Variants in GADL1 observed in about 807,000 individuals in gnomAD.
GADL1 encodes GAD like acidic amino acid decarboxylase 1.
Under a neutral mutation model 69.5 loss-of-function variants are expected in GADL1, and 71 were observed. The observed-to-expected ratio is 1.02, with a 90% CI of 0.84 to 1.25. The LOEUF is 1.25. GADL1 is among the 50% of genes most tolerant of loss of function. The pLI is 0.00. For missense variants in GADL1, 737 were observed against 631.8 expected, an observed-to-expected ratio of 1.17 and a Z score of -1.79; for synonymous variants, 254 against 214.4, an observed-to-expected ratio of 1.18 and a Z score of -1.62.
chr3:30,854,918 T>C, intron 3 of GADL1, 129 bp from the exon 4 acceptor site: 1 of 575,664 alleles, frequency 1.7e-6, no homozygotes, highest in Non-Finnish European at 3.0e-6. Context: ...TATAACGTAA[T>C]TCCATTTATA....
chr3:30,729,744 A>G (rs1280699030), intron 14 of GADL1, among the ~76,000 whole-genome samples: 1 of 152,260 alleles, frequency 6.6e-6, no homozygotes, highest in Non-Finnish European at 1.5e-5. Flanking sequence ...ACTTAACCAC[A>G]GAGCCTTCTC....
At chr3:30,812,228 C>T (rs773521191) in intron 11 of GADL1, among the ~76,000 whole-genome samples, 2 of 152,222 alleles carry the variant, frequency 1.3e-5, no homozygotes, top group East Asian at 3.8e-4. Flanking sequence ...AAGCTCCAAA[C>T]TATAAAACCT....
intron 12 of GADL1, chr3:30,800,267 C>G (rs1408022394): frequency 2.0e-5 from 3 of 153,338 alleles, no homozygotes; most frequent in African/African-American, 7.2e-5. Flanking sequence ...GCACTTCTTG[C>G]ATGGCAGCAG....
At chr3:30,763,845 C>A (rs1029658184) in intron 14 of GADL1, among the ~76,000 whole-genome samples, 4 of 151,724 alleles carry the variant, frequency 2.6e-5, no homozygotes, top group African/African-American at 9.7e-5. Context: ...CCAGAAAATT[C>A]TAAATGTGAA....
chr3:30,836,857 G>A (rs971597734), intron 9 of GADL1, among the ~76,000 whole-genome samples: 1 of 152,018 alleles, frequency 6.6e-6, no homozygotes, highest in Non-Finnish European at 1.5e-5. Flanking sequence ...CATAACAATT[G>A]CCCTCATGAA....
chr3:30,832,173 C>T (rs899880941), intron 11 of GADL1, among the ~76,000 whole-genome samples: 5 of 151,798 alleles, frequency 3.3e-5, no homozygotes, highest in Middle Eastern at 3.4e-3. Context: ...TTTAGCTTTC[C>T]TATTCCATTT....
chr3:30,731,038 G>C (rs1393034584), intron 14 of GADL1, among the ~76,000 whole-genome samples: 1 of 152,200 alleles, frequency 6.6e-6, no homozygotes, highest in Non-Finnish European at 1.5e-5. Flanking sequence ...CAAAGAACAA[G>C]TGGCTTTCTG....
chr3:30,778,590 C>T, intron 13 of GADL1: 1 of 213,956 alleles, frequency 4.7e-6, no homozygotes, highest in Non-Finnish European at 9.5e-6. Context: ...CAGAGATGCC[C>T]TGGATCCTCT....
chr3:30,843,176 C>T (rs994083311), intron 8 of GADL1, among the ~76,000 whole-genome samples: 1 of 151,412 alleles, frequency 6.6e-6, no homozygotes, highest in East Asian at 1.9e-4. Context: ...CAGCAGGCAG[C>T]GGTGGGATGG....
chr3:30,763,620 C>T (rs1022098275), intron 14 of GADL1, among the ~76,000 whole-genome samples: 4 of 152,100 alleles, frequency 2.6e-5, no homozygotes, highest in African/African-American at 7.2e-5. Flanking sequence ...GATGATTTTG[C>T]CCAACTATAG....
intron 11 of GADL1, among the ~76,000 whole-genome samples, chr3:30,826,102 T>C (rs1697677019): frequency 6.6e-6 from 1 of 151,944 alleles, no homozygotes; most frequent in South Asian, 2.1e-4. Context: ...GCTTGTTTTA[T>C]TCCTTTAATC....
chr3:30,817,818 T>C (rs543665159), intron 11 of GADL1, among the ~76,000 whole-genome samples: 1 of 152,228 alleles, frequency 6.6e-6, no homozygotes, highest in East Asian at 1.9e-4. Context: ...CAAGGTAAGA[T>C]CAAAAGGACA....
At chr3:30,783,370 T>G (rs1696711580) in intron 13 of GADL1, among the ~76,000 whole-genome samples, 1 of 152,196 alleles carries the variant, frequency 6.6e-6, no homozygotes, top group African/African-American at 2.4e-5. Flanking sequence ...TATGAATAAT[T>G]CAGAATTCAC....
intron 14 of GADL1, among the ~76,000 whole-genome samples, chr3:30,777,137 C>G (rs1696558099): frequency 6.6e-6 from 1 of 152,066 alleles, no homozygotes; most frequent in Non-Finnish European, 1.5e-5. Context: ...GTTTGTATTT[C>G]CAGTGCATAG....
At chr3:30,845,163 C>G (rs967896096) in intron 6 of GADL1, among the ~76,000 whole-genome samples, 9 of 152,094 alleles carry the variant, frequency 5.9e-5, no homozygotes, top group African/African-American at 2.2e-4. Context: ...AATAGACAAA[C>G]TACTTTACTC....
intron 1 of GADL1, among the ~76,000 whole-genome samples, chr3:30,879,516 C>A (rs1317610311): frequency 9.2e-5 from 14 of 151,894 alleles, no homozygotes; most frequent in African/African-American, 3.4e-4. Flanking sequence ...TGATCTCCTC[C>A]AAGAGAAGCT....
At chr3:30,753,523 G>A (rs9816240) in intron 14 of GADL1, among the ~76,000 whole-genome samples, 63,863 of 151,828 alleles carry the variant, frequency 0.42, 13,877 homozygotes, top group East Asian at 0.51. Context: ...GTAGAAAGGT[G>A]ATTAATGAAA....
At chr3:30,872,511 G>T (rs974779690) in intron 1 of GADL1, among the ~76,000 whole-genome samples, 86 of 151,898 alleles carry the variant, frequency 5.7e-4, no homozygotes, top group African/African-American at 2.1e-3. Flanking sequence ...TGAGATTCAG[G>T]GCTGAGTAAA....
intron 1 of GADL1, among the ~76,000 whole-genome samples, chr3:30,891,905 A>G (rs894722730): frequency 3.3e-5 from 5 of 152,160 alleles, no homozygotes; most frequent in African/African-American, 1.2e-4. Flanking sequence ...CATGATTTCA[A>G]TTTTATTACA....
Sources: gnomAD v4.1 joint callset for allele counts (sites outside exome capture counted in the v4.1 genomes callset) on GRCh38, gnomAD v4.1.1 for gene constraint, MANE v1.5 for transcripts, NCBI Gene and HGNC (gene_info 2026-07-23, HGNC 2026-07-21) for gene names.